TOM1: variants seen among roughly 807,000 people sequenced by gnomAD.
The protein encoded by TOM1 is target of myb1 membrane trafficking protein.
TOM1 carries 38 observed loss-of-function variants against 61.3 expected under a neutral mutation model. The observed-to-expected ratio is 0.62, with a 90% CI of 0.48 to 0.81. TOM1 has a LOEUF of 0.81. TOM1 is among the 40% of genes least tolerant of loss of function. The pLI is 0.00. For synonymous variants in TOM1, 270 were observed against 268.8 expected, an observed-to-expected ratio of 1.00 and a Z score of -0.04; for missense variants, 591 against 659.6, an observed-to-expected ratio of 0.90 and a Z score of 1.14.
rs909360773 is a variant in TOM1 at position 35,299,994 on chromosome 22, G to GC, written c.52+20dup. On this transcript the variant is annotated intron_variant, in intron 1 of 14. Transcript: ENST00000449058. ...GACAGCGCATCGGTGAGTCCCTGGA[G>GC]CCCCCCACAGCTCCGCCCCGGTGCT... 7 of 1,562,866 alleles carry GC rather than the reference G, an allele frequency of 4.5e-6. No individual in the cohort carries two copies. The Admixed American group carries it at 5.7e-5, about 13-fold the overall frequency.
chr22:35,334,836 G>A (rs1278653488), intron 11 of TOM1, among the ~76,000 whole-genome samples: 3 of 98,718 alleles, frequency 3.0e-5, no homozygotes, highest in African/African-American at 4.1e-5. Context: ...TCCACCCCCC[G>A]CCCCCCTCCC....
rs770276203 is a variant in TOM1 at position 35,317,961 on chromosome 22, G to A, written c.137G>A (p.Gly46Asp). Residue 46 changes from glycine to aspartate, a missense_variant and splice_region_variant, in exon 2 of 15, where the codon GGT (glycine) becomes GAT (aspartate). Coordinates refer to ENST00000449058, the MANE Select transcript of TOM1 (RefSeq NM_005488.3). ...GACATCATCAACGAGACGGAGGAAG[G>A]GTAAGGGCCCCCCAAGGAGAGGTTG... ...ICDIINETEE[G>D]PKDALRAVKK... 1.2e-6 allele frequency: 2 copies of A among 1,613,690 alleles called. No homozygotes were observed. The highest frequency in any genetic ancestry group is 3.3e-5 in the Admixed American group (2 of 60,006).
intron 3 of TOM1, chr22:35,322,332 C>A: frequency 2.6e-6 from 1 of 378,978 alleles, no homozygotes; most frequent in Non-Finnish European, 4.8e-6. Flanking sequence ...GCTCAGTAAA[C>A]CCAGGCCTCC....
intron 6 of TOM1, among the ~76,000 whole-genome samples, chr22:35,324,990 G>C (rs1166630219): frequency 6.6e-6 from 1 of 152,222 alleles, no homozygotes; most frequent in Non-Finnish European, 1.5e-5. Flanking sequence ...ACTGGGCCAT[G>C]AGCTGCTTGT....
chr22:35,347,257 C>A lies in TOM1; in HGVS notation c.*48C>A. On this transcript the variant is annotated 3_prime_UTR_variant, in exon 15 of 15. Coordinates refer to ENST00000449058, the MANE Select transcript of TOM1 (RefSeq NM_005488.3). ...GCCCAGGTCCCCACTGCTCTCACAC[C>A]CTTAGGCTGGGACCTCCCTCCCTCC... is the stretch of plus-strand genomic sequence containing the variant. The A allele has an allele frequency of 6.5e-7, 1 of 1,529,018 alleles. No individual in the cohort carries two copies. Among genetic ancestry groups the A allele is most frequent in the Non-Finnish European group, 8.8e-7 (1 of 1,135,658 alleles). 94.7% of individuals were successfully genotyped at this position (1,529,018 alleles called of 1,614,324 possible).
chr22:35,323,428 T>G lies in TOM1; in HGVS notation c.367-68T>G. 1.9e-6 allele frequency: 3 copies of G among 1,571,478 alleles called. No individual in the cohort carries two copies. Among genetic ancestry groups the G allele is most frequent in the Non-Finnish European group, 2.6e-6 (3 of 1,157,530 alleles). ...AGGGAAAGAATGTCTGTTCTCTGTC[T>G]GAGTGCCAGGTGGGCAGGCTCACAG... On this transcript the variant is annotated intron_variant, in intron 4 of 14. Transcript: ENST00000449058. This position sits in a 1 kb window ranked among gnomAD's most constrained non-coding sequence, Gnocchi z 4.2.
At chr22:35,331,312 G>A in intron 8 of TOM1, 1 of 446,568 alleles carries the variant, frequency 2.2e-6, no homozygotes, top group South Asian at 1.6e-5. Flanking sequence ...GGGTCTCACT[G>A]TGTTGCCCAG....
chr22:35,346,691 C>T (rs1930526605), intron 13 of TOM1, among the ~76,000 whole-genome samples: 1 of 152,202 alleles, frequency 6.6e-6, no homozygotes, highest in Non-Finnish European at 1.5e-5. Context: ...CCCACCCCGC[C>T]CCCATTTTAC....
chr22:35,328,292 C>T (rs1362331912), intron 7 of TOM1, among the ~76,000 whole-genome samples: 2 of 152,214 alleles, frequency 1.3e-5, no homozygotes, highest in African/African-American at 2.4e-5. Flanking sequence ...CAGCCTCGCA[C>T]GCCCCAAGCC....
At chr22:35,329,272 A>T (rs550785843) in intron 7 of TOM1, among the ~76,000 whole-genome samples, 2 of 152,126 alleles carry the variant, frequency 1.3e-5, no homozygotes, top group Non-Finnish European at 2.9e-5. Context: ...TTTATTTTTC[A>T]TAAGTTTAAA....
rs1042535757 is a variant in TOM1, at chr22:35,317,924, A to G, written c.100A>G (p.Met34Val). 6.2e-6 allele frequency: 10 copies of G among 1,614,078 alleles called. No individual in the cohort carries two copies. The highest frequency in any genetic ancestry group is 7.6e-6 in the Non-Finnish European group (9 of 1,180,000). The change falls in exon 2 of 15, where the codon ATG (methionine) becomes GTG (valine). Residue 34 changes from methionine (M) to valine (V), a missense_variant. Transcript: ENST00000449058. The stretch of plus-strand genomic sequence containing the variant: ...GCAGAGCGAGGACTGGGCCCTCAAC[A>G]TGGAGATCTGCGACATCATCAACGA... Reference protein sequence around the residue: ...SLQSEDWALNMEICDIINETE... With the variant: ...SLQSEDWALNVEICDIINETE...
At chr22:35,305,833 A>G (rs1601662581) in intron 1 of TOM1, among the ~76,000 whole-genome samples, 3 of 152,282 alleles carry the variant, frequency 2.0e-5, no homozygotes, top group East Asian at 3.9e-4. Context: ...TGAGCTCCCC[A>G]CCACTGGAGC....
chr22:35,310,017 T>C (rs1926682398), intron 1 of TOM1, among the ~76,000 whole-genome samples: 1 of 152,172 alleles, frequency 6.6e-6, no homozygotes, highest in South Asian at 2.1e-4. Flanking sequence ...CAGCTCCACA[T>C]GGTAGGGTTA....
At chr22:35,309,620 G>A (rs1926640856) in intron 1 of TOM1, among the ~76,000 whole-genome samples, 1 of 148,956 alleles carries the variant, frequency 6.7e-6, no homozygotes. Flanking sequence ...CTCCAGCCTG[G>A]GCAACAGAGT....
chr22:35,333,425 G>T lies in TOM1; in HGVS notation c.955G>T (p.Ala319Ser), dbSNP rs771548371. 129 of 1,613,932 alleles carry T rather than the reference G, an allele frequency of 8.0e-5. No homozygotes were observed. Among genetic ancestry groups the T allele is most frequent in the Non-Finnish European group, 1.1e-4 (124 of 1,179,988 alleles). The change falls in exon 10 of 15, where the codon GCA (alanine) becomes TCA (serine). Residue 319 changes from alanine (A) to serine (S), a missense_variant. Physicochemically the swap from Ala to Ser is moderately conservative, Grantham distance 99. Transcript: ENST00000449058. ...CCAGGCCCCAAGTGAGGCCGAGCCGGCAGCTGACCTGATCGACATGGGCCC... is the reference window on the plus strand; with the variant it reads ...CCAGGCCCCAAGTGAGGCCGAGCCGTCAGCTGACCTGATCGACATGGGCCC... ...TTKAPSEAEP[A>S]ADLIDMGPDP...
At chr22:35,333,562 T>G in intron 10 of TOM1, 65 bp downstream of exon 10, 1 of 1,470,164 alleles carries the variant, frequency 6.8e-7, no homozygotes, top group Non-Finnish European at 9.5e-7. Flanking sequence ...CCCTGCAGAT[T>G]TTCGGGGTGC....
chr22:35,308,098 C>T (rs1926486782), intron 1 of TOM1, among the ~76,000 whole-genome samples: 1 of 152,126 alleles, frequency 6.6e-6, no homozygotes, highest in Admixed American at 6.5e-5. Context: ...CTTGTCCTTG[C>T]ACTTGGACAG....
intron 7 of TOM1, among the ~76,000 whole-genome samples, chr22:35,328,060 T>TA: frequency 6.6e-6 from 1 of 152,224 alleles, no homozygotes; most frequent in Non-Finnish European, 1.5e-5. Context: ...GAGCGCTTCG[T>TA]GTAACTGTTC....
chr22:35,326,011 G>A (rs946154332), intron 6 of TOM1, among the ~76,000 whole-genome samples: 1 of 152,160 alleles, frequency 6.6e-6, no homozygotes, highest in African/African-American at 2.4e-5. Context: ...GGTTTTGGAA[G>A]GTGTCAGTGA....
Sources: allele counts gnomAD v4.1 joint callset (sites outside exome capture counted in the v4.1 genomes callset), GRCh38; gene constraint gnomAD v4.1.1; non-coding constraint Gnocchi (gnomAD v3.1); transcripts MANE v1.5; gene names NCBI Gene and HGNC (gene_info 2026-07-23, HGNC 2026-07-21).